The following TET1 variants were observed in gnomAD, a reference collection of about 807,000 sequenced individuals.
TET1 encodes methylcytosine dioxygenase TET1.
Under a neutral mutation model 148.7 loss-of-function variants are expected in TET1, and 13 were observed. That is an observed-to-expected ratio of 0.09 (90% CI 0.06 to 0.14). The LOEUF (loss-of-function observed/expected upper bound fraction) is 0.14, where lower values mean the gene tolerates loss of function less well. Among genes scored for constraint, TET1 ranks in the 10% least tolerant of loss-of-function variants. TET1 has a pLI of 1.00. For missense variants in TET1, 2,182 were observed against 2,553.8 expected (o/e 0.85, Z 3.14); for synonymous variants, 907 against 937.2 (o/e 0.97, Z 0.59).
intron 2 of TET1, among the ~76,000 whole-genome samples, chr10:68,579,009 C>A (rs1438547235): frequency 2.0e-5 from 3 of 151,778 alleles, no homozygotes; most frequent in Admixed American, 2.0e-4. Flanking sequence ...ATAGCAAGAC[C>A]CTGTCTGAAA....
intron 1 of TET1, among the ~76,000 whole-genome samples, chr10:68,568,347 C>T (rs535432133): frequency 2.9e-4 from 44 of 151,740 alleles, no homozygotes; most frequent in African/African-American, 5.3e-4. Flanking sequence ...CTCAGCCTCC[C>T]GAGTAGCTGG....
chr10:68,642,216 C>T (rs747869748), intron 3 of TET1, among the ~76,000 whole-genome samples: 2 of 152,062 alleles, frequency 1.3e-5, no homozygotes, highest in African/African-American at 4.8e-5. Flanking sequence ...TGCTTCAGTC[C>T]AGCACTTCAA....
At chr10:68,624,753 A>G (rs1171214975) in intron 3 of TET1, among the ~76,000 whole-genome samples, 2 of 137,102 alleles carry the variant, frequency 1.5e-5, no homozygotes, top group African/African-American at 2.8e-5. Context: ...TTTTTTTGAG[A>G]CGGAGTCTTG....
At chr10:68,597,103 G>A (rs539971049) in intron 2 of TET1, among the ~76,000 whole-genome samples, 275 of 142,106 alleles carry the variant, frequency 1.9e-3, no homozygotes, top group African/African-American at 6.9e-3. Context: ...GCACGATCTC[G>A]GCTCACTGCA....
chr10:68,655,177 T>G (rs1191936694), intron 6 of TET1, among the ~76,000 whole-genome samples: 2 of 152,172 alleles, frequency 1.3e-5, no homozygotes, highest in African/African-American at 4.8e-5. Flanking sequence ...TTTTGTTTGT[T>G]TAAAGAAAGA....
intron 8 of TET1, among the ~76,000 whole-genome samples, chr10:68,680,904 A>T (rs1473134830): frequency 6.6e-6 from 1 of 152,198 alleles, no homozygotes; most frequent in African/African-American, 2.4e-5. Flanking sequence ...TTCATGGGCC[A>T]TAAGGACATG....
At chr10:68,688,047 C>G (rs1301635818) in intron 11 of TET1, among the ~76,000 whole-genome samples, 1 of 152,028 alleles carries the variant, frequency 6.6e-6, no homozygotes, top group Non-Finnish European at 1.5e-5. Flanking sequence ...GGGAACCTCT[C>G]TAGCAGCTAG....
At chr10:68,597,300 C>G (rs533395037) in intron 2 of TET1, among the ~76,000 whole-genome samples, 54 of 152,110 alleles carry the variant, frequency 3.6e-4, no homozygotes, top group Non-Finnish European at 7.2e-4. Flanking sequence ...TTCCAAAGTG[C>G]TAGGATTACA....
Position 68,573,086 on chromosome 10 carries a change from G to C in TET1, c.748G>C (p.Ala250Pro). The change falls in exon 2 of 12, where the codon GCT (alanine) becomes CCT (proline). Residue 250 changes from alanine (A) to proline (P), a missense_variant. Coordinates refer to ENST00000373644, the MANE Select transcript of TET1 (RefSeq NM_030625.3). ...PKMFAQDTVC[A>P]PFPQRATPKV... ...AATGTTTGCTCAGGACACAGTGTGTGCTCCTTTTCCCCAAAGAGCAACCCC... is the reference window on the plus strand; with the variant it reads ...AATGTTTGCTCAGGACACAGTGTGTCCTCCTTTTCCCCAAAGAGCAACCCC... The C allele has an allele frequency of 6.2e-7, 1 of 1,614,102 alleles. No individual in the cohort carries two copies. The highest frequency in any genetic ancestry group is 1.1e-5 in the South Asian group (1 of 91,078).
intron 4 of TET1, among the ~76,000 whole-genome samples, chr10:68,649,957 A>G (rs562350082): frequency 6.6e-6 from 1 of 152,332 alleles, no homozygotes; most frequent in Non-Finnish European, 1.5e-5. Flanking sequence ...CAGAGAAACA[A>G]AAAGTTACTT....
At chr10:68,642,294 T>C (rs2054768814) in intron 3 of TET1, among the ~76,000 whole-genome samples, 1 of 152,032 alleles carries the variant, frequency 6.6e-6, no homozygotes, top group African/African-American at 2.4e-5. Flanking sequence ...ATTAACCAGT[T>C]GTGGTTACAG....
intron 3 of TET1, among the ~76,000 whole-genome samples, chr10:68,625,004 G>A (rs2054457353): frequency 6.6e-6 from 1 of 152,044 alleles, no homozygotes; most frequent in African/African-American, 2.4e-5. Flanking sequence ...AAAGTGCTGG[G>A]ATTACAGGCG....
At position 68,692,931 on chromosome 10, in the gene TET1, T is replaced by A. The variant is rs12776197; in HGVS notation, c.*1117T>A. 3 of 231,454 alleles carry A rather than the reference T, an allele frequency of 1.3e-5. No individual in the cohort carries two copies. The highest frequency in any genetic ancestry group is 2.6e-5 in the Non-Finnish European group (3 of 117,232). The allele number at this position is 231,454 out of a possible 1,614,324, so 14.3% of individuals were successfully genotyped here. On this transcript the variant is annotated 3_prime_UTR_variant, in exon 12 of 12. Coordinates refer to ENST00000373644, the MANE Select transcript of TET1 (RefSeq NM_030625.3). ...GACAGATATTTGTACTGAAGTCTGA[T>A]ACAGAATTAGAAAAAAAAAATTCTT...
intron 3 of TET1, among the ~76,000 whole-genome samples, chr10:68,613,748 C>G (rs1236715117): frequency 6.6e-6 from 1 of 152,074 alleles, no homozygotes; most frequent in Non-Finnish European, 1.5e-5. Flanking sequence ...ACCAGCCTAG[C>G]CAACATGGTG....
intron 10 of TET1, among the ~76,000 whole-genome samples, chr10:68,683,333 T>C (rs1393327390): frequency 6.6e-6 from 1 of 152,102 alleles, no homozygotes; most frequent in Admixed American, 6.6e-5. Flanking sequence ...GGCTAGAGGG[T>C]AGTGGCACGA....
At chr10:68,629,301 G>T (rs543844929) in intron 3 of TET1, among the ~76,000 whole-genome samples, 1 of 151,916 alleles carries the variant, frequency 6.6e-6, no homozygotes, top group East Asian at 1.9e-4. Flanking sequence ...AGAGACAGAG[G>T]TTGCAGTGAG....
At chr10:68,689,142 A>G (rs2055556743) in intron 11 of TET1, among the ~76,000 whole-genome samples, 1 of 152,026 alleles carries the variant, frequency 6.6e-6, no homozygotes, top group Non-Finnish European at 1.5e-5. Context: ...GGACAACTTA[A>G]CCTCTATAAT....
At chr10:68,579,714 G>C (rs1279626464) in intron 2 of TET1, among the ~76,000 whole-genome samples, 3 of 152,204 alleles carry the variant, frequency 2.0e-5, no homozygotes, top group African/African-American at 7.2e-5. Context: ...ATGAAGCCTA[G>C]ATTCATTAGC....
At chr10:68,664,192 T>C (rs1353764668) in intron 6 of TET1, among the ~76,000 whole-genome samples, 4 of 152,118 alleles carry the variant, frequency 2.6e-5, no homozygotes, top group Non-Finnish European at 5.9e-5. Context: ...CGGACATATA[T>C]TCATATGCTC....
Sources: allele counts gnomAD v4.1 joint callset (sites outside exome capture counted in the v4.1 genomes callset), GRCh38; gene constraint gnomAD v4.1.1; transcripts MANE v1.5; gene names NCBI Gene and HGNC (gene_info 2026-07-23, HGNC 2026-07-21).